RBMS3: variants seen among roughly 807,000 people sequenced by gnomAD.
The protein encoded by RBMS3 is RNA-binding motif, single-stranded-interacting protein 3.
In RBMS3, 27 loss-of-function variants were observed where a neutral mutation model predicts 66.8. The observed-to-expected ratio is 0.40, with a 90% CI of 0.30 to 0.56. RBMS3 has a LOEUF of 0.56. Among genes scored for constraint, RBMS3 ranks in the 20% least tolerant of loss-of-function variants. The pLI, the probability that RBMS3 is intolerant of heterozygous loss-of-function variation, is 0.40. For missense variants in RBMS3, 513 were observed against 549.5 expected (o/e 0.93, Z 0.66); for synonymous variants, 188 against 183.0 (o/e 1.03, Z -0.22).
chr3:29,956,961 G>A (rs1167772729), intron 12 of RBMS3, among the ~76,000 whole-genome samples: 1 of 152,028 alleles, frequency 6.6e-6, no homozygotes, highest in African/African-American at 2.4e-5. Context: ...TTTCTGGGAT[G>A]GGCCAAGCCT....
chr3:29,556,013 A>G (rs1273137119), intron 3 of RBMS3, among the ~76,000 whole-genome samples: 2 of 152,250 alleles, frequency 1.3e-5, no homozygotes, highest in Non-Finnish European at 2.9e-5. Context: ...TCATTTGGGA[A>G]AACATGTTTT....
At chr3:29,804,261 T>G (rs1251003577) in intron 6 of RBMS3, among the ~76,000 whole-genome samples, 1 of 152,084 alleles carries the variant, frequency 6.6e-6, no homozygotes, top group Non-Finnish European at 1.5e-5. Context: ...AATATATACA[T>G]AAATGTCAGT....
At chr3:29,956,856 G>T (rs1411642079) in intron 12 of RBMS3, among the ~76,000 whole-genome samples, 1 of 151,990 alleles carries the variant, frequency 6.6e-6, no homozygotes, top group African/African-American at 2.4e-5. Flanking sequence ...TCAGTCCTTA[G>T]CCTGTGCAAC....
intron 7 of RBMS3, among the ~76,000 whole-genome samples, chr3:29,881,665 T>G (rs1265745417): frequency 6.6e-6 from 1 of 152,180 alleles, no homozygotes; most frequent in African/African-American, 2.4e-5. Context: ...CCTTAACAAA[T>G]GTGTGTTGAA....
At chr3:29,734,064 A>G (rs11718443) in intron 4 of RBMS3, among the ~76,000 whole-genome samples, 17,607 of 152,168 alleles carry the variant, frequency 0.12, 1,070 homozygotes, top group Middle Eastern at 0.24. Context: ...TTTAGTCATA[A>G]AAGAGAATAA....
At chr3:29,362,168 T>A (rs2037635900) in intron 1 of RBMS3, among the ~76,000 whole-genome samples, 1 of 152,198 alleles carries the variant, frequency 6.6e-6, no homozygotes, top group African/African-American at 2.4e-5. Flanking sequence ...TTTTTCCCCA[T>A]CTTTGTGGTT....
At chr3:29,632,150 C>T (rs2049305736) in intron 4 of RBMS3, among the ~76,000 whole-genome samples, 1 of 151,858 alleles carries the variant, frequency 6.6e-6, no homozygotes, top group South Asian at 2.1e-4. Context: ...CAATAGAATT[C>T]CATTTGAGTA....
chr3:29,441,739 T>C (rs2041628052), intron 2 of RBMS3, among the ~76,000 whole-genome samples: 1 of 152,156 alleles, frequency 6.6e-6, no homozygotes, highest in African/African-American at 2.4e-5. Context: ...AACCTGGATT[T>C]TGGGATTTTT....
intron 4 of RBMS3, among the ~76,000 whole-genome samples, chr3:29,621,124 T>G (rs925678076): frequency 1.3e-5 from 2 of 152,086 alleles, no homozygotes; most frequent in African/African-American, 2.4e-5. Context: ...GAAACTTGAA[T>G]TTTCATCTTG....
At chr3:29,814,281 A>G (rs2057812121) in intron 6 of RBMS3, among the ~76,000 whole-genome samples, 1 of 152,176 alleles carries the variant, frequency 6.6e-6, no homozygotes, top group Non-Finnish European at 1.5e-5. Context: ...GCTGGATTAC[A>G]TTTATTGATT....
chr3:29,591,410 G>A (rs1480968374), intron 4 of RBMS3, among the ~76,000 whole-genome samples: 2 of 152,152 alleles, frequency 1.3e-5, no homozygotes, highest in African/African-American at 4.8e-5. Flanking sequence ...AAAGGAAAAT[G>A]ACTATTTAGG....
intron 6 of RBMS3, among the ~76,000 whole-genome samples, chr3:29,840,390 A>G (rs1470713231): frequency 6.6e-6 from 1 of 152,062 alleles, no homozygotes; most frequent in East Asian, 1.9e-4. Flanking sequence ...AAATGAAAGT[A>G]TTTGTGAGAA....
chr3:29,567,216 A>G (rs1201593835), intron 3 of RBMS3, among the ~76,000 whole-genome samples: 1 of 152,156 alleles, frequency 6.6e-6, no homozygotes, highest in Admixed American at 6.5e-5. Context: ...CTCACTGAGC[A>G]TTTGGTAAAT....
At chr3:29,361,668 G>A (rs12631703) in intron 1 of RBMS3, among the ~76,000 whole-genome samples, 33,445 of 152,070 alleles carry the variant, frequency 0.22, 4,631 homozygotes, top group Non-Finnish European at 0.3. Flanking sequence ...CATTCTCCCC[G>A]TCACTTTCAG....
intron 4 of RBMS3, among the ~76,000 whole-genome samples, chr3:29,726,027 A>C (rs1385843936): frequency 2.0e-5 from 3 of 152,234 alleles, no homozygotes; most frequent in Non-Finnish European, 4.4e-5. Flanking sequence ...AGTTGGCTTC[A>C]TCCCAGGGAT....
chr3:29,418,355 G>C (rs2040565161), intron 1 of RBMS3, among the ~76,000 whole-genome samples: 1 of 152,072 alleles, frequency 6.6e-6, no homozygotes, highest in Non-Finnish European at 1.5e-5. Context: ...TTAGAGGTGT[G>C]TCTATTTGTC....
intron 14 of RBMS3, chr3:29,991,548 A>G (rs1479419711): frequency 2.5e-5 from 6 of 236,894 alleles, no homozygotes; most frequent in Non-Finnish European, 4.9e-5. Flanking sequence ...TCAGAATTTC[A>G]AGAATAGTAA....
chr3:29,578,570 T>A (rs1446203881), intron 3 of RBMS3, among the ~76,000 whole-genome samples: 1 of 152,024 alleles, frequency 6.6e-6, no homozygotes, highest in Non-Finnish European at 1.5e-5. Flanking sequence ...CAATCAAATA[T>A]GAGTATAAAT....
intron 4 of RBMS3, among the ~76,000 whole-genome samples, chr3:29,728,598 T>C (rs547085627): frequency 6.6e-6 from 1 of 152,306 alleles, no homozygotes; most frequent in South Asian, 2.1e-4. Context: ...ATGGCATTAA[T>C]AAACTGATTT....
Sources: allele counts gnomAD v4.1 joint callset (sites outside exome capture counted in the v4.1 genomes callset), GRCh38; gene constraint gnomAD v4.1.1; transcripts MANE v1.5; gene names NCBI Gene and HGNC (gene_info 2026-07-23, HGNC 2026-07-21).